DLG2: variants seen among roughly 807,000 people sequenced by gnomAD.
The protein encoded by DLG2 is discs large MAGUK scaffold protein 2, also known as disks large homolog 2.
In DLG2, 45 loss-of-function variants were observed where a neutral mutation model predicts 132.5. That is an observed-to-expected ratio of 0.34 (90% CI 0.27 to 0.44). DLG2 has a LOEUF of 0.44. Among genes scored for constraint, DLG2 ranks in the 20% least tolerant of loss-of-function variants. The probability of loss-of-function intolerance (pLI) is 1.00; values close to 1 mark genes in which losing one functional copy is unlikely to be tolerated. For synonymous variants in DLG2, 424 were observed against 419.6 expected (o/e 1.01, Z -0.13); for missense variants, 1,045 against 1,196.9 (o/e 0.87, Z 1.87).
intron 8 of DLG2, among the ~76,000 whole-genome samples, chr11:84,190,305 A>G (rs529214503): frequency 2.6e-5 from 4 of 152,300 alleles, no homozygotes; most frequent in Non-Finnish European, 5.9e-5. Context: ...TCCTTGTACT[A>G]CAAGGACTTT....
rs531592854 is a variant in DLG2 at position 83,928,006 on chromosome 11, G to T, written c.1496+2322C>A. ...GGAAGTATGGAGGAGGAGCAAAGTG[G>T]GGTGAAATTAAGATTTTTGGTGTCA... On this transcript the variant is annotated intron_variant, in intron 15 of 27. Transcript: ENST00000376104. Among the ~76,000 whole-genome samples the T allele has an allele frequency of 5.3e-5, 8 of 152,150 alleles. No individual in the cohort carries two copies. The East Asian group carries it at 1.4e-3, about 26-fold the overall frequency.
chr11:85,550,239 G>A (rs2076582355), intron 3 of DLG2, among the ~76,000 whole-genome samples: 1 of 152,298 alleles, frequency 6.6e-6, no homozygotes, highest in East Asian at 1.9e-4. Flanking sequence ...GCAGAGGACA[G>A]CCACCTAGCA....
chr11:83,773,260 T>G (rs1378668432), intron 18 of DLG2, among the ~76,000 whole-genome samples: 1 of 152,198 alleles, frequency 6.6e-6, no homozygotes, highest in African/African-American at 2.4e-5. Context: ...TTCTCTTATC[T>G]ATGAAATTAC....
chr11:83,880,787 T>C (rs954144302), intron 15 of DLG2, among the ~76,000 whole-genome samples: 4 of 152,218 alleles, frequency 2.6e-5, no homozygotes, highest in African/African-American at 9.6e-5. Flanking sequence ...GTGGGAAATA[T>C]GATCTATAGT....
chr11:84,961,369 A>G (rs1252458363), intron 6 of DLG2, among the ~76,000 whole-genome samples: 1 of 152,076 alleles, frequency 6.6e-6, no homozygotes, highest in African/African-American at 2.4e-5. Context: ...GTAAATACAA[A>G]GCAGAGTGAT....
At chr11:84,340,485 T>C (rs2098509582) in intron 7 of DLG2, among the ~76,000 whole-genome samples, 1 of 152,154 alleles carries the variant, frequency 6.6e-6, no homozygotes, top group Non-Finnish European at 1.5e-5. Context: ...TACTACATAC[T>C]TACCTAGAGT....
intron 6 of DLG2, among the ~76,000 whole-genome samples, chr11:85,081,613 C>T (rs1489270840): frequency 6.6e-6 from 1 of 152,134 alleles, no homozygotes; most frequent in Admixed American, 6.6e-5. Flanking sequence ...GACATTGAGG[C>T]AAGGGTGGAG....
At chr11:84,173,624 T>G (rs961380882) in intron 8 of DLG2, among the ~76,000 whole-genome samples, 1 of 152,212 alleles carries the variant, frequency 6.6e-6, no homozygotes, top group African/African-American at 2.4e-5. Context: ...TTGAGTATAA[T>G]ATGACTGTAG....
chr11:84,450,834 T>C (rs17147360), intron 7 of DLG2, among the ~76,000 whole-genome samples: 5,015 of 151,654 alleles, frequency 0.033, 213 homozygotes, highest in African/African-American at 0.099. Flanking sequence ...TATTCATCAT[T>C]GTAGCCTCCG....
chr11:84,126,457 CAG>C (rs1037447025), intron 9 of DLG2, among the ~76,000 whole-genome samples: 7 of 151,954 alleles, frequency 4.6e-5, no homozygotes, highest in Non-Finnish European at 1.0e-4. Flanking sequence ...GAAATACTAA[CAG>C]AGTTAACTAC....
chr11:84,082,128 C>T (rs1448023851), intron 10 of DLG2, among the ~76,000 whole-genome samples: 2 of 152,098 alleles, frequency 1.3e-5, no homozygotes, highest in African/African-American at 4.8e-5. Flanking sequence ...CTTGAACTTT[C>T]ATCCTGCCTT....
At chr11:85,031,671 T>C (rs1374496057) in intron 6 of DLG2, among the ~76,000 whole-genome samples, 4 of 152,210 alleles carry the variant, frequency 2.6e-5, no homozygotes, top group Admixed American at 6.5e-5. Context: ...ATCAACTGTT[T>C]ACTATTATTT....
intron 18 of DLG2, among the ~76,000 whole-genome samples, chr11:83,782,311 C>A (rs1376956707): frequency 6.6e-5 from 10 of 152,142 alleles, no homozygotes; most frequent in Admixed American, 6.5e-4. Flanking sequence ...TAAGAGCAGA[C>A]CCATTCAATA....
At chr11:83,696,497 A>C (rs891030469) in intron 18 of DLG2, among the ~76,000 whole-genome samples, 2 of 152,224 alleles carry the variant, frequency 1.3e-5, no homozygotes, top group Admixed American at 1.3e-4. Context: ...CTTGAGTCAC[A>C]GTTTTGGGCA....
intron 6 of DLG2, among the ~76,000 whole-genome samples, chr11:85,072,988 T>C (rs1487087881): frequency 1.3e-5 from 2 of 151,788 alleles, no homozygotes; most frequent in Non-Finnish European, 2.9e-5. Context: ...ATGTCAAAAA[T>C]AAGAGCTTTT....
At chr11:84,590,876 C>A (rs556389830) in intron 6 of DLG2, among the ~76,000 whole-genome samples, 1 of 152,268 alleles carries the variant, frequency 6.6e-6, no homozygotes, top group South Asian at 2.1e-4. Context: ...TGATGGGGCA[C>A]ATCTATGAGA....
intron 3 of DLG2, among the ~76,000 whole-genome samples, chr11:85,481,793 C>T (rs1386202930): frequency 6.6e-6 from 1 of 152,124 alleles, no homozygotes; most frequent in Non-Finnish European, 1.5e-5. Flanking sequence ...TGGGCCAGAA[C>T]CTATGGACCC....
At position 85,412,760 on chromosome 11, in the gene DLG2, C is replaced by CATAT. The variant is rs200280952; in HGVS notation, c.41-127399_41-127396dup. Reference sequence around the variant, plus strand: ...ACACACACACACACACACACACACACATATATATATATATATATATATATA... The same window carrying CATAT: ...ACACACACACACACACACACACACACATATATATATATATATATATATATATATA... On this transcript the variant is annotated intron_variant, in intron 3 of 27. Transcript: ENST00000376104. Among the ~76,000 whole-genome samples the CATAT allele has an allele frequency of 3.7e-3, 418 of 113,232 alleles. 3 individuals carry two copies. The highest frequency in any genetic ancestry group is 0.013 in the African/African-American group (347 of 27,010). 74.3% of individuals were successfully genotyped at this position (113,232 alleles called of 152,430 possible).
intron 3 of DLG2, among the ~76,000 whole-genome samples, chr11:85,524,271 G>T (rs2074563988): frequency 6.6e-6 from 1 of 151,992 alleles, no homozygotes; most frequent in South Asian, 2.1e-4. Flanking sequence ...CACAAAGAAG[G>T]GATAATTGCT....
Sources: gnomAD v4.1 joint callset for allele counts (sites outside exome capture counted in the v4.1 genomes callset) on GRCh38, gnomAD v4.1.1 for gene constraint, MANE v1.5 for transcripts, NCBI Gene and HGNC (gene_info 2026-07-23, HGNC 2026-07-21) for gene names.